Variants in SPAG16 observed in about 807,000 individuals in gnomAD.
SPAG16 encodes sperm-associated antigen 16 protein.
Under a neutral mutation model 80.4 loss-of-function variants are expected in SPAG16, and 86 were observed. The ratio of observed to expected loss-of-function variants is 1.07; its 90% CI spans 0.90 to 1.28. The LOEUF is 1.28. Ranked by LOEUF, SPAG16 falls within the 50% of genes most tolerant of loss-of-function variation. The pLI, the probability that SPAG16 is intolerant of heterozygous loss-of-function variation, is 0.00. For missense variants in SPAG16, 870 were observed against 765.3 expected (o/e 1.14, Z -1.61); for synonymous variants, 294 against 265.9 (o/e 1.11, Z -1.03).
intron 1 of SPAG16, among the ~76,000 whole-genome samples, chr2:213,286,447 A>G (rs1201331772): frequency 6.6e-6 from 1 of 152,206 alleles, no homozygotes; most frequent in Non-Finnish European, 1.5e-5. Context: ...TTATTCCTGT[A>G]TCCCTGGGCA....
At chr2:213,908,897 A>C (rs992591791) in intron 11 of SPAG16, among the ~76,000 whole-genome samples, 1 of 151,730 alleles carries the variant, frequency 6.6e-6, no homozygotes, top group African/African-American at 2.4e-5. Flanking sequence ...AGCATTAGGT[A>C]TATCTCCTAA....
intron 9 of SPAG16, among the ~76,000 whole-genome samples, chr2:213,488,507 C>T (rs1308386836): frequency 2.6e-5 from 4 of 152,050 alleles, no homozygotes; most frequent in African/African-American, 9.7e-5. Flanking sequence ...ACAAAAATCA[C>T]TGAATAAGTA....
chr2:213,821,415 T>A (rs1042941969), intron 10 of SPAG16, among the ~76,000 whole-genome samples: 1 of 152,160 alleles, frequency 6.6e-6, no homozygotes, highest in Non-Finnish European at 1.5e-5. Context: ...AGTTCTTTTT[T>A]AAATTTTTAA....
At chr2:214,033,143 A>G (rs1207306259) in intron 13 of SPAG16, among the ~76,000 whole-genome samples, 1 of 152,172 alleles carries the variant, frequency 6.6e-6, no homozygotes, top group Non-Finnish European at 1.5e-5. Flanking sequence ...AATGTGTAAT[A>G]ACTAATAAAC....
intron 9 of SPAG16, among the ~76,000 whole-genome samples, chr2:213,444,699 T>A (rs948254327): frequency 1.3e-5 from 2 of 152,012 alleles, no homozygotes; most frequent in Non-Finnish European, 1.5e-5. Context: ...AGCAATTTTT[T>A]AAAAAATAGA....
intron 14 of SPAG16, among the ~76,000 whole-genome samples, chr2:214,130,930 C>T (rs992424990): frequency 6.6e-6 from 1 of 152,090 alleles, no homozygotes; most frequent in Non-Finnish European, 1.5e-5. Flanking sequence ...TAGAAAGACT[C>T]TCTGTGATTT....
chr2:214,031,545 T>G (rs1036637229), intron 13 of SPAG16, among the ~76,000 whole-genome samples: 1 of 141,536 alleles, frequency 7.1e-6, no homozygotes, highest in Non-Finnish European at 1.5e-5. Context: ...TGTATACATA[T>G]GTAACTAACC....
intron 13 of SPAG16, among the ~76,000 whole-genome samples, chr2:214,020,498 G>A (rs555743860): frequency 6.6e-6 from 1 of 152,174 alleles, no homozygotes; most frequent in South Asian, 2.1e-4. Flanking sequence ...AGTAAGAAAA[G>A]ATGACTCAAT....
chr2:213,459,973 A>G (rs2072265835), intron 9 of SPAG16, among the ~76,000 whole-genome samples: 1 of 152,206 alleles, frequency 6.6e-6, no homozygotes, highest in African/African-American at 2.4e-5. Flanking sequence ...AATTTCAAAC[A>G]GTATATTATT....
chr2:214,321,399 G>GCAAA (rs140453987), intron 15 of SPAG16, among the ~76,000 whole-genome samples: 9,401 of 152,248 alleles, frequency 0.062, 428 homozygotes, highest in East Asian at 0.17. Flanking sequence ...AGAAGGCAAA[G>GCAAA]CAAACATTCT....
chr2:214,336,877 T>C (rs1460743257), intron 15 of SPAG16, among the ~76,000 whole-genome samples: 4 of 81,360 alleles, frequency 4.9e-5, no homozygotes, highest in African/African-American at 1.2e-4. Context: ...TCAGAAAGGA[T>C]TAATGTTAGA....
At chr2:213,376,947 C>T (rs1394901965) in intron 9 of SPAG16, among the ~76,000 whole-genome samples, 1 of 152,136 alleles carries the variant, frequency 6.6e-6, no homozygotes, top group Admixed American at 6.6e-5. Context: ...CTCTCTTCTA[C>T]TTCATTGGCT....
intron 10 of SPAG16, among the ~76,000 whole-genome samples, chr2:213,809,451 T>A (rs765243577): frequency 2.0e-4 from 30 of 152,182 alleles, no homozygotes; most frequent in Non-Finnish European, 4.3e-4. Context: ...TTTTAGATAT[T>A]TCTGCTAATA....
intron 11 of SPAG16, among the ~76,000 whole-genome samples, chr2:213,890,627 C>A (rs1046104736): frequency 6.6e-6 from 1 of 151,826 alleles, no homozygotes; most frequent in Non-Finnish European, 1.5e-5. Flanking sequence ...AGGATGGTTT[C>A]ATTTATATTT....
At chr2:214,138,736 A>T (rs997954873) in intron 14 of SPAG16, among the ~76,000 whole-genome samples, 1 of 152,090 alleles carries the variant, frequency 6.6e-6, no homozygotes, top group South Asian at 2.1e-4. Context: ...CATATTACAC[A>T]TTTTCTGAAA....
intron 12 of SPAG16, among the ~76,000 whole-genome samples, chr2:213,978,010 C>T (rs1016692870): frequency 9.9e-5 from 15 of 151,422 alleles, no homozygotes; most frequent in East Asian, 1.9e-4. Flanking sequence ...ATTTATGATG[C>T]GCACCCTTAA....
At chr2:214,132,546 A>G (rs1188058860) in intron 14 of SPAG16, among the ~76,000 whole-genome samples, 1 of 152,228 alleles carries the variant, frequency 6.6e-6, no homozygotes, top group East Asian at 1.9e-4. Context: ...TATGGAAGCA[A>G]CAGAAGGAAT....
chr2:214,227,273 C>G (rs908493209), intron 15 of SPAG16, among the ~76,000 whole-genome samples: 7 of 151,834 alleles, frequency 4.6e-5, no homozygotes, highest in Admixed American at 4.0e-4. Context: ...GGGTAATTTG[C>G]TGCATCAATA....
At chr2:214,333,084 G>T (rs1269645895) in intron 15 of SPAG16, among the ~76,000 whole-genome samples, 1 of 152,200 alleles carries the variant, frequency 6.6e-6, no homozygotes, top group Non-Finnish European at 1.5e-5. Context: ...AGAGGACCAA[G>T]TGAATGACTA....
Sources: allele counts gnomAD v4.1 joint callset (sites outside exome capture counted in the v4.1 genomes callset), GRCh38; gene constraint gnomAD v4.1.1; transcripts MANE v1.5; gene names NCBI Gene and HGNC (gene_info 2026-07-23, HGNC 2026-07-21).